The following PPP2R2C variants were observed in gnomAD, a reference collection of about 807,000 sequenced individuals.
PPP2R2C encodes protein phosphatase 2 regulatory subunit Bgamma.
A neutral mutation model predicts 45.3 loss-of-function variants in PPP2R2C; 10 were observed. That is an observed-to-expected ratio of 0.22 (90% CI 0.14 to 0.37). PPP2R2C has a LOEUF of 0.37. PPP2R2C is among the 10% of genes least tolerant of loss of function. The probability of loss-of-function intolerance (pLI) is 1.00; values close to 1 mark genes in which losing one functional copy is unlikely to be tolerated. For missense variants in PPP2R2C, 308 were observed against 619.7 expected (o/e 0.50, Z 5.34); for synonymous variants, 257 against 245.4 (o/e 1.05, Z -0.44).
intron 1 of PPP2R2C, among the ~76,000 whole-genome samples, chr4:6,548,306 C>T (rs933797368): frequency 1.3e-5 from 2 of 152,178 alleles, no homozygotes; most frequent in African/African-American, 4.8e-5. Flanking sequence ...CTCTCTGAGC[C>T]TCCCGGTCCC....
intron 6 of PPP2R2C, among the ~76,000 whole-genome samples, chr4:6,346,329 G>A (rs369029452): frequency 5.3e-5 from 8 of 152,024 alleles, no homozygotes; most frequent in Admixed American, 1.3e-4. Context: ...GTGGAGTCAC[G>A]GCCACTGCAG....
In PPP2R2C at chr4:6,510,980, C is replaced by CAACAAAA. The variant is rs1553905389; in HGVS notation, c.49+24290_49+24291insTTTTGTT. Among the ~76,000 whole-genome samples, 18 of 41,298 alleles carry CAACAAAA rather than the reference C, an allele frequency of 4.4e-4. 1 individual carries two copies. The highest frequency in any genetic ancestry group is 2.8e-3 in the East Asian group (3 of 1,088). 27.1% of individuals were successfully genotyped at this position (41,298 alleles called of 152,430 possible). ...CAACAGAGTGAGACTCCGTCTCAAA[C>CAACAAAA]AAAAAAAAACAAACAAACAAAAAAA... On this transcript the variant is annotated intron_variant, in intron 2 of 9. Transcript: ENST00000506140.
At chr4:6,411,396 C>G (rs1023292771) in intron 1 of PPP2R2C, among the ~76,000 whole-genome samples, 1 of 152,148 alleles carries the variant, frequency 6.6e-6, no homozygotes, top group African/African-American at 2.4e-5. Context: ...GGCTGGCACA[C>G]AGCAGGAGCA....
At position 6,345,979 on chromosome 4, in the gene PPP2R2C, C is replaced by A. The variant is rs1711872913; in HGVS notation, c.790+1867G>T. ...GGCTCGCGGGTCTGAAACCTGCCTG[C>A]TGGTCCCTGGCACCCCCTGTTGTTC... is the stretch of plus-strand genomic sequence containing the variant. On this transcript the variant is annotated intron_variant, in intron 6 of 8. Transcript: ENST00000382599. This position sits in a 1 kb window ranked among gnomAD's most constrained non-coding sequence, Gnocchi z 5.3. 6.6e-6 allele frequency among the ~76,000 whole-genome samples: 1 copy of A among 152,186 alleles called. No homozygotes were observed. Among genetic ancestry groups the A allele is most frequent in the Admixed American group, 6.5e-5 (1 of 15,280 alleles).
At position 6,368,591 on chromosome 4, in the gene PPP2R2C, T is replaced by A. The variant is rs1440181749; in HGVS notation, c.625+3932A>T. Among the ~76,000 whole-genome samples the A allele has an allele frequency of 2.0e-5, 3 of 152,220 alleles. No homozygotes were observed. Among genetic ancestry groups the A allele is most frequent in the Non-Finnish European group, 1.5e-5 (1 of 68,034 alleles). On this transcript the variant is annotated intron_variant, in intron 5 of 8. Coordinates refer to ENST00000382599, the MANE Select transcript of PPP2R2C (RefSeq NM_020416.4). The surrounding 1 kb of genome is among the most constrained non-coding windows in gnomAD (Gnocchi z 4.2). ...CAGGGAGGACTTTGCAGTCCTGGGATGAACCAACCCCCTTTTCTTCTTTAC... is the reference window on the plus strand; with the variant it reads ...CAGGGAGGACTTTGCAGTCCTGGGAAGAACCAACCCCCTTTTCTTCTTTAC...
At chr4:6,390,972 C>G (rs1716590591) in intron 1 of PPP2R2C, among the ~76,000 whole-genome samples, 1 of 152,176 alleles carries the variant, frequency 6.6e-6, no homozygotes, top group African/African-American at 2.4e-5. Flanking sequence ...GGCCTGTGGT[C>G]AGAGGTTGGG....
rs543203033 is a variant in PPP2R2C at position 6,563,257 on chromosome 4, G to C, written c.-59+303C>G. On this transcript the variant is annotated intron_variant, in intron 1 of 9. Transcript: ENST00000506140. The surrounding 1 kb of genome is among the most constrained non-coding windows in gnomAD (Gnocchi z 5.8). ...GCGGCGAGCAAGTGCTGGAGGCAGG[G>C]TTCCAAGCCGGTTCTGTCGGGTTCC... 6.6e-6 allele frequency among the ~76,000 whole-genome samples: 1 copy of C among 152,312 alleles called. No individual in the cohort carries two copies. The highest frequency in any genetic ancestry group is 1.5e-5 in the Non-Finnish European group (1 of 68,014).
At chr4:6,360,469 G>A (rs1713630051) in intron 5 of PPP2R2C, among the ~76,000 whole-genome samples, 1 of 152,178 alleles carries the variant, frequency 6.6e-6, no homozygotes, top group South Asian at 2.1e-4. Context: ...GGCTCATCCA[G>A]ATGTCTCGGC....
chr4:6,327,497 G>A (rs1355494038), intron 8 of PPP2R2C, among the ~76,000 whole-genome samples: 1 of 152,250 alleles, frequency 6.6e-6, no homozygotes, highest in East Asian at 1.9e-4. Flanking sequence ...GTGGGTCGCA[G>A]CCAGCGGGGA....
intron 2 of PPP2R2C, among the ~76,000 whole-genome samples, chr4:6,529,299 G>A (rs1002464904): frequency 1.3e-5 from 2 of 152,226 alleles, no homozygotes; most frequent in African/African-American, 4.8e-5. Context: ...TTTCACACAC[G>A]ACAAAGAGCC....
upstream of PPP2R2C, among the ~76,000 whole-genome samples, chr4:6,476,984 G>T (rs1560575826): frequency 6.6e-6 from 1 of 152,164 alleles, no homozygotes; most frequent in Non-Finnish European, 1.5e-5. Flanking sequence ...AACTGGCTGG[G>T]TGCAGCAGTT....
intron 5 of PPP2R2C, among the ~76,000 whole-genome samples, chr4:6,354,499 C>T (rs577417676): frequency 5.4e-4 from 83 of 152,318 alleles, no homozygotes; most frequent in African/African-American, 1.9e-3. Flanking sequence ...TGCCCCCACA[C>T]CCCTCACACA....
chr4:6,372,711 T>C lies in PPP2R2C; in HGVS notation c.448-11A>G. 3 of 1,612,578 alleles carry C rather than the reference T, an allele frequency of 1.9e-6. No individual in the cohort carries two copies. Among genetic ancestry groups the C allele is most frequent in the Non-Finnish European group, 2.5e-6 (3 of 1,178,780 alleles). The stretch of plus-strand genomic sequence containing the variant: ...CTTCAGCACTGGCACCTGCAGAGGA[T>C]GAGGAGGCAGGGAAGAGGTGAAGGC... On this transcript the variant is annotated splice_polypyrimidine_tract_variant and intron_variant, in intron 4 of 8. Transcript: ENST00000382599.
intron 1 of PPP2R2C, among the ~76,000 whole-genome samples, chr4:6,558,306 G>A (rs2108845489): frequency 1.3e-5 from 2 of 152,316 alleles, no homozygotes; most frequent in Middle Eastern, 6.8e-3. Context: ...TGTCACTTAA[G>A]GGGCCCCATC....
In PPP2R2C at chr4:6,363,939, G is replaced by A. The variant is rs190248210; in HGVS notation, c.625+8584C>T. ...GCCTTTCCATCAAGGACTTTCTAAG[G>A]AGGCCGGGGTCCTCCCCACCTTATC... is the stretch of plus-strand genomic sequence containing the variant. On this transcript the variant is annotated intron_variant, in intron 5 of 8. Transcript: ENST00000382599. Among the ~76,000 whole-genome samples, 362 of 152,318 alleles carry A rather than the reference G, an allele frequency of 2.4e-3. No homozygotes were observed. In the Middle Eastern group the frequency reaches 0.027, roughly 11 times the overall value.
intron 1 of PPP2R2C, among the ~76,000 whole-genome samples, chr4:6,540,256 C>T (rs1333506661): frequency 6.6e-6 from 1 of 152,194 alleles, no homozygotes; most frequent in African/African-American, 2.4e-5. Flanking sequence ...CACTAATCTG[C>T]TTTTTGTCTC....
Position 6,375,956 on chromosome 4 carries a change from C to T in PPP2R2C, c.335-25G>A, listed in dbSNP as rs12511002. 2,676 of 1,578,426 alleles carry T rather than the reference C, an allele frequency of 1.7e-3. 33 individuals are homozygous for T. The Admixed American group carries it at 0.022, about 13-fold the overall frequency. On this transcript the variant is annotated intron_variant, in intron 3 of 8. Transcript: ENST00000382599. ...TCTTTAAAAACAGAACAAAATAAAG[C>T]GAGTCACATAATTAAGCAGCCGGAT...
chr4:6,424,222 G>C (rs989357815), intron 1 of PPP2R2C, among the ~76,000 whole-genome samples: 3 of 152,206 alleles, frequency 2.0e-5, no homozygotes, highest in African/African-American at 7.2e-5. Context: ...GCACTCTAGA[G>C]CCATGTGCTT....
At position 6,543,117 on chromosome 4, in the gene PPP2R2C, G is replaced by A. The variant is rs114478127; in HGVS notation, c.-58-7740C>T. Among the ~76,000 whole-genome samples, 728 of 152,266 alleles carry A rather than the reference G, an allele frequency of 4.8e-3. 1 individual carries two copies. The highest frequency in any genetic ancestry group is 0.017 in the Middle Eastern group (5 of 294). ...TCAGGAGACACCTGCAGGGTGGATC[G>A]CCTCCTGTGACTGGGCAAGCGTGAA... On this transcript the variant is annotated intron_variant, in intron 1 of 9. Coordinates refer to the PPP2R2C transcript ENST00000506140.
Sources: allele counts gnomAD v4.1 joint callset (sites outside exome capture counted in the v4.1 genomes callset), GRCh38; gene constraint gnomAD v4.1.1; non-coding constraint Gnocchi (gnomAD v3.1); transcripts MANE v1.5; gene names NCBI Gene and HGNC (gene_info 2026-07-23, HGNC 2026-07-21).